Variants in DLGAP2 observed in about 807,000 individuals in gnomAD.
DLGAP2 encodes the protein DLG associated protein 2.
DLGAP2 carries 26 observed loss-of-function variants against 100.3 expected under a neutral mutation model. The observed-to-expected ratio is 0.26, with a 90% CI of 0.19 to 0.36. The LOEUF (loss-of-function observed/expected upper bound fraction) is 0.36, where lower values mean the gene tolerates loss of function less well. Ranked by LOEUF, DLGAP2 falls within the 10% of genes least tolerant of loss-of-function variation. The probability of loss-of-function intolerance (pLI) is 1.00; values close to 1 mark genes in which losing one functional copy is unlikely to be tolerated. For missense variants in DLGAP2, 1,858 were observed against 1,453.2 expected (o/e 1.28, Z -4.53); for synonymous variants, 886 against 630.1 (o/e 1.41, Z -6.08).
At chr8:936,633 G>C (rs1799078327) in intron 2 of DLGAP2, among the ~76,000 whole-genome samples, 1 of 152,198 alleles carries the variant, frequency 6.6e-6, no homozygotes, top group African/African-American at 2.4e-5. Flanking sequence ...GCAGGAGTCT[G>C]AGCTGGAGCC....
At chr8:950,743 T>C (rs964953579) in intron 2 of DLGAP2, among the ~76,000 whole-genome samples, 2 of 150,764 alleles carry the variant, frequency 1.3e-5, no homozygotes, top group African/African-American at 2.4e-5. Flanking sequence ...TGCCTCAGCC[T>C]CCCGAGTAGC....
At chr8:764,951 C>T (rs1174684331) in intron 1 of DLGAP2, among the ~76,000 whole-genome samples, 1 of 152,166 alleles carries the variant, frequency 6.6e-6, no homozygotes, top group Non-Finnish European at 1.5e-5. Flanking sequence ...TCCTCAGCAA[C>T]CAGAATAGAT....
chr8:1,421,119 C>T lies in DLGAP2; in HGVS notation c.107-80247C>T, dbSNP rs183215022. Among the ~76,000 whole-genome samples, 146 of 152,236 alleles carry T rather than the reference C, an allele frequency of 9.6e-4. 1 individual carries two copies. Among genetic ancestry groups the T allele is most frequent in the African/African-American group, 3.3e-3 (139 of 41,510 alleles). On this transcript the variant is annotated intron_variant, in intron 3 of 14. Coordinates refer to ENST00000637795, the MANE Select transcript of DLGAP2 (RefSeq NM_001346810.2). ...GTAGAAAATAGTAAAATAACTTATC[C>T]AAAGTATGTTTTTCAGACCTTTGAA...
At chr8:1,061,641 G>C (rs918234520) in intron 2 of DLGAP2, among the ~76,000 whole-genome samples, 1 of 152,096 alleles carries the variant, frequency 6.6e-6, no homozygotes. Flanking sequence ...CTGTCACAGA[G>C]AGCGAGCGTC....
At chr8:1,001,319 G>A (rs918795146) in intron 2 of DLGAP2, among the ~76,000 whole-genome samples, 3 of 152,122 alleles carry the variant, frequency 2.0e-5, no homozygotes, top group East Asian at 1.9e-4. Context: ...GAAGTCTGCC[G>A]AGCAGTTTTT....
chr8:1,368,174 G>C (rs1158343898), intron 3 of DLGAP2, among the ~76,000 whole-genome samples: 1 of 152,162 alleles, frequency 6.6e-6, no homozygotes, highest in Non-Finnish European at 1.5e-5. Flanking sequence ...GTGTGCATGT[G>C]TGTGTGTATG....
At chr8:1,664,549 C>T (rs1217392823) in intron 8 of DLGAP2, among the ~76,000 whole-genome samples, 2 of 152,108 alleles carry the variant, frequency 1.3e-5, no homozygotes, top group African/African-American at 2.4e-5. Flanking sequence ...ATGTTGTATC[C>T]ACCAGTGAAG....
intron 3 of DLGAP2, among the ~76,000 whole-genome samples, chr8:1,327,948 G>A (rs1201108564): frequency 6.6e-6 from 1 of 152,230 alleles, no homozygotes; most frequent in African/African-American, 2.4e-5. Context: ...CACAGGGATT[G>A]CTGGTTTGTG....
chr8:738,393 C>A (rs982258944), intron 1 of DLGAP2, among the ~76,000 whole-genome samples: 1 of 151,836 alleles, frequency 6.6e-6, no homozygotes, highest in Admixed American at 6.5e-5. Flanking sequence ...CAGCGGCTGC[C>A]GAGACCAGGC....
At chr8:801,724 A>G (rs868504077) in intron 1 of DLGAP2, among the ~76,000 whole-genome samples, 7 of 152,232 alleles carry the variant, frequency 4.6e-5, no homozygotes, top group South Asian at 2.1e-4. Flanking sequence ...CTCTCCAGCA[A>G]TGTGACTTTC....
At chr8:1,192,883 T>G (rs7018236) in intron 2 of DLGAP2, among the ~76,000 whole-genome samples, 88 of 152,118 alleles carry the variant, frequency 5.8e-4, no homozygotes, top group African/African-American at 2.0e-3. Context: ...CCAAGTGATT[T>G]CATTGTTCAC....
At chr8:953,482 G>A (rs1283950449) in intron 2 of DLGAP2, among the ~76,000 whole-genome samples, 10 of 152,202 alleles carry the variant, frequency 6.6e-5, no homozygotes, top group Non-Finnish European at 1.5e-4. Context: ...GTGAGCCACC[G>A]TGCCTGGCCC....
At chr8:1,318,817 A>T (rs11136380) in intron 3 of DLGAP2, among the ~76,000 whole-genome samples, 1 of 121,420 alleles carries the variant, frequency 8.2e-6, no homozygotes, top group East Asian at 2.6e-4. Flanking sequence ...GGGGCCTCCA[A>T]TGTGTTCCCC....
At chr8:1,700,517 G>C (rs1035741232) in intron 14 of DLGAP2, among the ~76,000 whole-genome samples, 2 of 152,230 alleles carry the variant, frequency 1.3e-5, no homozygotes, top group African/African-American at 4.8e-5. Context: ...CCCTTTGCAT[G>C]TGTTGCATAA....
Position 1,044,578 on chromosome 8 carries a change from G to A in DLGAP2, c.73+136612G>A, listed in dbSNP as rs578166291. Among the ~76,000 whole-genome samples, 78 of 152,348 alleles carry A rather than the reference G, an allele frequency of 5.1e-4. No homozygotes were observed. In the South Asian group the frequency reaches 0.014, roughly 27 times the overall value. On this transcript the variant is annotated intron_variant, in intron 2 of 14. Coordinates refer to ENST00000637795, the MANE Select transcript of DLGAP2 (RefSeq NM_001346810.2). Reference sequence around the variant, plus strand: ...TGCATGTGACCTGGCAGGACACGACGTCTCTCTAGGCCTCCAGACAGTTGT... The same window carrying A: ...TGCATGTGACCTGGCAGGACACGACATCTCTCTAGGCCTCCAGACAGTTGT...
At position 1,164,124 on chromosome 8, in the gene DLGAP2, C is replaced by T. The variant is rs61022738; in HGVS notation, c.74-94727C>T. Reference sequence around the variant, plus strand: ...GATTTTTCTGTGAGCCCGCAGGGCCCGTCATTTTGGTTTGTGGGGATTTTT... The same window carrying T: ...GATTTTTCTGTGAGCCCGCAGGGCCTGTCATTTTGGTTTGTGGGGATTTTT... On this transcript the variant is annotated intron_variant, in intron 2 of 14. Coordinates refer to ENST00000637795, the MANE Select transcript of DLGAP2 (RefSeq NM_001346810.2). 4.2e-3 allele frequency among the ~76,000 whole-genome samples: 270 copies of T among 63,672 alleles called. 29 individuals are homozygous for T. The highest frequency in any genetic ancestry group is 0.021 in the Middle Eastern group (2 of 96). 41.8% of individuals were successfully genotyped at this position (63,672 alleles called of 152,430 possible). A position where few individuals can be genotyped will look rare whatever the true frequency, so the allele number is the denominator to read the frequency against.
intron 3 of DLGAP2, among the ~76,000 whole-genome samples, chr8:1,448,807 A>G (rs572796158): frequency 1.6e-4 from 24 of 152,300 alleles, no homozygotes; most frequent in East Asian, 7.7e-4. Flanking sequence ...CATGACATCA[A>G]TCATTGCCCT....
rs1191392301 is a variant in DLGAP2 at position 768,742 on chromosome 8, C to T, written c.18+30917C>T. On this transcript the variant is annotated intron_variant, in intron 1 of 14. Coordinates refer to ENST00000637795, the MANE Select transcript of DLGAP2 (RefSeq NM_001346810.2). Reference sequence around the variant, plus strand: ...TTGGTCTTGACTCTGATTGAGCCCACACCTCCTGGTGCACTCCAGCATCAA... The same window carrying T: ...TTGGTCTTGACTCTGATTGAGCCCATACCTCCTGGTGCACTCCAGCATCAA... Among the ~76,000 whole-genome samples, 6 of 152,270 alleles carry T rather than the reference C, an allele frequency of 3.9e-5. No homozygotes were observed. In the South Asian group the frequency reaches 6.2e-4, roughly 16 times the overall value.
intron 11 of DLGAP2, among the ~76,000 whole-genome samples, chr8:1,677,274 C>G (rs761258402): frequency 6.6e-6 from 1 of 152,078 alleles, no homozygotes; most frequent in Non-Finnish European, 1.5e-5. Flanking sequence ...AAAGAAATTC[C>G]GACCCCAGCT....
Sources: allele counts gnomAD v4.1 joint callset (sites outside exome capture counted in the v4.1 genomes callset), GRCh38; gene constraint gnomAD v4.1.1; transcripts MANE v1.5; gene names NCBI Gene and HGNC (gene_info 2026-07-23, HGNC 2026-07-21).